Variants in PLCB1 observed in about 807,000 individuals in gnomAD.
PLCB1 encodes the protein 1-phosphatidylinositol 4,5-bisphosphate phosphodiesterase beta-1.
PLCB1 carries 46 observed loss-of-function variants against 161.8 expected under a neutral mutation model. The ratio of observed to expected loss-of-function variants is 0.28; its 90% confidence interval spans 0.22 to 0.36. PLCB1 has a LOEUF of 0.36. Ranked by LOEUF, PLCB1 falls within the 10% of genes least tolerant of loss-of-function variation. The pLI, the probability that PLCB1 is intolerant of heterozygous loss-of-function variation, is 1.00. For synonymous variants in PLCB1, 517 were observed against 503.7 expected, an observed-to-expected ratio of 1.03 and a Z score of -0.35; for missense variants, 1,016 against 1,472.5, an observed-to-expected ratio of 0.69 and a Z score of 5.07.
At chr20:8,617,216 G>T (rs1988060771) in intron 3 of PLCB1, among the ~76,000 whole-genome samples, 1 of 152,134 alleles carries the variant, frequency 6.6e-6, no homozygotes, top group Non-Finnish European at 1.5e-5. Flanking sequence ...CAGTTCATGA[G>T]AGCCAATTGT....
chr20:8,178,114 T>A (rs1600218024), intron 2 of PLCB1, among the ~76,000 whole-genome samples: 1 of 152,338 alleles, frequency 6.6e-6, no homozygotes, highest in East Asian at 1.9e-4. Context: ...GCATTTAGGT[T>A]GGTTTCATGT....
intron 3 of PLCB1, among the ~76,000 whole-genome samples, chr20:8,420,814 T>G (rs1979507832): frequency 6.6e-6 from 1 of 152,206 alleles, no homozygotes; most frequent in Non-Finnish European, 1.5e-5. Flanking sequence ...AAGACTGCAC[T>G]TCAGGTATTC....
intron 2 of PLCB1, among the ~76,000 whole-genome samples, chr20:8,199,926 T>G (rs1461503993): frequency 6.6e-6 from 1 of 152,144 alleles, no homozygotes; most frequent in Non-Finnish European, 1.5e-5. Flanking sequence ...GTGAGCATAC[T>G]TAGGCACAGA....
At chr20:8,146,440 G>T (rs2051455252) in intron 1 of PLCB1, among the ~76,000 whole-genome samples, 1 of 152,190 alleles carries the variant, frequency 6.6e-6, no homozygotes. Flanking sequence ...GCCACGTGAA[G>T]TTCACCACAG....
chr20:8,721,118 CT>C (rs1472648540), intron 14 of PLCB1, among the ~76,000 whole-genome samples: 1 of 152,118 alleles, frequency 6.6e-6, no homozygotes, highest in Non-Finnish European at 1.5e-5. Context: ...TTAAGCAATA[CT>C]TTTTTCACTA....
intron 2 of PLCB1, among the ~76,000 whole-genome samples, chr20:8,169,251 T>C (rs1378690288): frequency 1.3e-5 from 2 of 152,164 alleles, no homozygotes; most frequent in Admixed American, 6.5e-5. Context: ...ATAATTGTTC[T>C]TTTGTAGGAT....
At chr20:8,751,480 A>G (rs1376636096) in intron 23 of PLCB1, 2 of 152,206 alleles carry the variant, frequency 1.3e-5, no homozygotes, top group African/African-American at 4.8e-5. Flanking sequence ...AGAACTTATA[A>G]AAATGATCTT....
chr20:8,740,359 G>A lies in PLCB1; in HGVS notation c.2324G>A (p.Cys775Tyr), dbSNP rs1209875193. Reference protein sequence around the residue: ...QAIRPGYHYICLRNERNQPLT... With the variant: ...QAIRPGYHYIYLRNERNQPLT... ...CACCTTCCAGGCTATCACTATATCT[G>A]TCTAAGGAATGAAAGGAACCAGCCT... is the stretch of plus-strand genomic sequence containing the variant. The change falls in exon 22 of 32, where the codon TGT becomes TAT. Residue 775 changes from cysteine to tyrosine, a missense_variant. Physicochemically the swap from Cys to Tyr is radical, Grantham distance 194. Transcript: ENST00000338037. 1 of 1,600,230 alleles carries A rather than the reference G, an allele frequency of 6.2e-7. No homozygotes were observed. Among genetic ancestry groups the A allele is most frequent in the East Asian group, 2.2e-5 (1 of 44,710 alleles).
chr20:8,532,081 G>T lies in PLCB1; in HGVS notation c.247-96213G>T, dbSNP rs756444800. The stretch of plus-strand genomic sequence containing the variant: ...AGAGGGGCCTATTACCTTCTTCAGG[G>T]CATTGGTATTTTGTTTCCTACCTTA... On this transcript the variant is annotated intron_variant, in intron 3 of 31. Coordinates refer to ENST00000338037, the MANE Select transcript of PLCB1 (RefSeq NM_015192.4). Among the ~76,000 whole-genome samples, 198 of 151,980 alleles carry T rather than the reference G, an allele frequency of 1.3e-3. 2 individuals are homozygous for T. Among genetic ancestry groups the T allele is most frequent in the Non-Finnish European group, 2.6e-3 (180 of 67,942 alleles).
At position 8,459,806 on chromosome 20, in the gene PLCB1, G is replaced by A. The variant is rs183271639; in HGVS notation, c.246+88356G>A. Among the ~76,000 whole-genome samples, 8 of 152,260 alleles carry A rather than the reference G, an allele frequency of 5.3e-5. No homozygotes were observed. In the East Asian group the frequency reaches 1.2e-3, roughly 22 times the overall value. ...CACCGCTTTGCATGGTACAACCTTCGGAGTTTCTAGAAATTGCCTGGAGTG... is the reference window on the plus strand; with the variant it reads ...CACCGCTTTGCATGGTACAACCTTCAGAGTTTCTAGAAATTGCCTGGAGTG... On this transcript the variant is annotated intron_variant, in intron 3 of 31. Coordinates refer to ENST00000338037, the MANE Select transcript of PLCB1 (RefSeq NM_015192.4).
chr20:8,816,121 G>A (rs754162028), intron 31 of PLCB1, among the ~76,000 whole-genome samples: 1 of 149,836 alleles, frequency 6.7e-6, no homozygotes, highest in Non-Finnish European at 1.5e-5. Context: ...GGAAGGAACT[G>A]ATCTTTCAGA....
intron 9 of PLCB1, among the ~76,000 whole-genome samples, chr20:8,664,459 T>G (rs894901543): frequency 1.3e-5 from 2 of 152,110 alleles, no homozygotes; most frequent in South Asian, 4.1e-4. Context: ...AAAAAAACCC[T>G]ATTGCATTTT....
chr20:8,631,760 C>T (rs12625594), intron 4 of PLCB1, among the ~76,000 whole-genome samples: 1 of 152,136 alleles, frequency 6.6e-6, no homozygotes, highest in East Asian at 1.9e-4. Flanking sequence ...GGATCCTATT[C>T]TTAACCACAG....
intron 23 of PLCB1, chr20:8,750,759 C>A: frequency 1.0e-6 from 1 of 965,716 alleles, no homozygotes; most frequent in Non-Finnish European, 1.5e-6. Flanking sequence ...AAGGGAAAGG[C>A]TGGCTCTAAC....
At chr20:8,242,171 T>C (rs188883605) in intron 2 of PLCB1, among the ~76,000 whole-genome samples, 1 of 151,980 alleles carries the variant, frequency 6.6e-6, no homozygotes, top group East Asian at 2.0e-4. Context: ...TTGTTGTTGT[T>C]TTTATTTTTT....
At chr20:8,705,889 T>C (rs977023181) in intron 11 of PLCB1, among the ~76,000 whole-genome samples, 6 of 152,190 alleles carry the variant, frequency 3.9e-5, no homozygotes, top group African/African-American at 9.7e-5. Context: ...TGGGAGGTCA[T>C]TGGAAAGTTT....
intron 2 of PLCB1, among the ~76,000 whole-genome samples, chr20:8,215,735 A>T (rs1020418721): frequency 3.3e-5 from 5 of 152,048 alleles, no homozygotes; most frequent in African/African-American, 1.2e-4. Flanking sequence ...CTGGGCTCAG[A>T]TCCAAAACTT....
chr20:8,544,651 G>A (rs536659827), intron 3 of PLCB1, among the ~76,000 whole-genome samples: 27 of 152,266 alleles, frequency 1.8e-4, no homozygotes, highest in African/African-American at 5.1e-4. Flanking sequence ...CATCAGTGAC[G>A]CCAAGAAGTT....
intron 2 of PLCB1, among the ~76,000 whole-genome samples, chr20:8,282,158 A>G (rs1982905246): frequency 6.6e-6 from 1 of 152,210 alleles, no homozygotes; most frequent in African/African-American, 2.4e-5. Context: ...ATCCAACAGC[A>G]TAAGTCATAC....
Sources: allele counts gnomAD v4.1 joint callset (sites outside exome capture counted in the v4.1 genomes callset), GRCh38; gene constraint gnomAD v4.1.1; transcripts MANE v1.5; gene names NCBI Gene and HGNC (gene_info 2026-07-23, HGNC 2026-07-21).